Variants in DAB2 observed in about 807,000 individuals in gnomAD.
DAB2 encodes the protein DAB adaptor protein 2, also known as disabled homolog 2.
A neutral mutation model predicts 71.6 loss-of-function variants in DAB2; 28 were observed. The ratio of observed to expected loss-of-function variants is 0.39; its 90% CI spans 0.29 to 0.54. The LOEUF (loss-of-function observed/expected upper bound fraction) is 0.54. DAB2 is among the 20% of genes least tolerant of loss of function. The pLI, the probability that DAB2 is intolerant of heterozygous loss-of-function variation, is 0.68. For missense variants in DAB2, 867 were observed against 928.8 expected, an observed-to-expected ratio of 0.93 and a Z score of 0.86; for synonymous variants, 345 against 339.7, an observed-to-expected ratio of 1.02 and a Z score of -0.17.
At chr5:39,412,145 T>C (rs1479391404) in intron 1 of DAB2, among the ~76,000 whole-genome samples, 1 of 152,140 alleles carries the variant, frequency 6.6e-6, no homozygotes, top group South Asian at 2.1e-4. Context: ...CAAATGTCTT[T>C]GACTCTTAAG....
chr5:39,410,753 T>C (rs951757042), intron 1 of DAB2, among the ~76,000 whole-genome samples: 19 of 152,116 alleles, frequency 1.2e-4, no homozygotes, highest in African/African-American at 4.6e-4. Context: ...CCTTCCATGT[T>C]AAATGAGTTT....
In DAB2 at chr5:39,422,595, A is replaced by G. The variant is rs962699357; in HGVS notation, c.-102+2209T>C. ...GAAGCAGCATAAGAGCCTATGTCAC[A>G]GCAAAGCCTCCTGCTTGGCCAGGAG... On this transcript the variant is annotated intron_variant, in intron 1 of 14. Transcript: ENST00000320816. The surrounding 1 kb of genome is among the most constrained non-coding windows in gnomAD (Gnocchi z 4.1). Among the ~76,000 whole-genome samples the G allele has an allele frequency of 7.9e-5, 12 of 152,208 alleles. No homozygotes were observed. Among genetic ancestry groups the G allele is most frequent in the Non-Finnish European group, 1.8e-4 (12 of 68,032 alleles).
rs557704154 is a variant in DAB2 at position 39,398,226 on chromosome 5, G to A, written c.-101-3805C>T. 3.3e-5 allele frequency among the ~76,000 whole-genome samples: 5 copies of A among 152,158 alleles called. No individual in the cohort carries two copies. The South Asian group carries it at 8.3e-4, about 25-fold the overall frequency. On this transcript the variant is annotated intron_variant, in intron 1 of 14. Transcript: ENST00000320816. ...AGCACTTTGAGGGGTTTTGGGGGAG[G>A]GAACGGTGGCATCTGGGTTTAGTCA...
intron 1 of DAB2, among the ~76,000 whole-genome samples, chr5:39,401,221 T>C (rs1429967691): frequency 1.3e-5 from 2 of 152,220 alleles, no homozygotes; most frequent in African/African-American, 4.8e-5. Context: ...AAAGGAGTCC[T>C]TAGAAGATTT....
chr5:39,392,841 C>T (rs747399787), intron 3 of DAB2, among the ~76,000 whole-genome samples: 18 of 152,186 alleles, frequency 1.2e-4, no homozygotes, highest in South Asian at 2.1e-4. Context: ...GAAAGGCTAG[C>T]GCTAAGGAAC....
At chr5:39,418,808 CT>C (rs1755907810) in intron 1 of DAB2, among the ~76,000 whole-genome samples, 1 of 152,166 alleles carries the variant, frequency 6.6e-6, no homozygotes, top group Non-Finnish European at 1.5e-5. Flanking sequence ...AAAATATCAG[CT>C]TAGTTATTGC....
intron 7 of DAB2, 60 bp downstream of exon 7, chr5:39,389,037 A>T: frequency 6.5e-7 from 1 of 1,550,246 alleles, no homozygotes. Flanking sequence ...GGGCAGGTAG[A>T]AAACAGGGGC....
rs755586963 is a variant in DAB2 at position 39,392,353 on chromosome 5, G to C, written c.330+12C>G. 2 of 1,600,000 alleles carry C rather than the reference G, an allele frequency of 1.3e-6. No individual in the cohort carries two copies. The highest frequency in any genetic ancestry group is 1.7e-6 in the Non-Finnish European group (2 of 1,167,138). On this transcript the variant is annotated intron_variant, in intron 4 of 14. Transcript: ENST00000320816. ...GGTGGTCAGAGAGGTATCAGCAAAT[G>C]TGAATTCTTACCCCAGTTTTCTCAT... is the stretch of plus-strand genomic sequence containing the variant.
intron 1 of DAB2, among the ~76,000 whole-genome samples, chr5:39,405,987 T>C (rs1281867571): frequency 6.6e-6 from 1 of 152,138 alleles, no homozygotes; most frequent in Non-Finnish European, 1.5e-5. Context: ...ATAATATGGC[T>C]TTATTATGGG....
chr5:39,410,923 G>A (rs2112098588), intron 1 of DAB2, among the ~76,000 whole-genome samples: 1 of 152,198 alleles, frequency 6.6e-6, no homozygotes, highest in South Asian at 2.1e-4. Flanking sequence ...CTAGCCCTCA[G>A]TGTCACACAT....
chr5:39,392,353 G>A lies in DAB2; in HGVS notation c.330+12C>T, dbSNP rs755586963. The A allele has an allele frequency of 6.3e-7, 1 of 1,600,000 alleles. No homozygotes were observed. Among genetic ancestry groups the A allele is most frequent in the South Asian group, 1.1e-5 (1 of 90,818 alleles). On this transcript the variant is annotated intron_variant, in intron 4 of 14. Transcript: ENST00000320816. ...GGTGGTCAGAGAGGTATCAGCAAATGTGAATTCTTACCCCAGTTTTCTCAT... is the reference window on the plus strand; with the variant it reads ...GGTGGTCAGAGAGGTATCAGCAAATATGAATTCTTACCCCAGTTTTCTCAT...
rs750647823 is a variant in DAB2, at chr5:39,389,921, T to G, written c.474A>C (p.Leu158Phe). The change falls in exon 6 of 15, where the codon TTA becomes TTC. Residue 158 changes from leucine (L) to phenylalanine (F), a missense_variant. By Grantham distance (22) the Leu-to-Phe change is conservative (BLOSUM62 0). This residue lies in a region of DAB2 where 740 missense variants were observed against 734.3 expected (regional missense o/e 1.01). Coordinates refer to ENST00000320816, the MANE Select transcript of DAB2 (RefSeq NM_001343.4). Reference sequence around the variant, plus strand: ...GAAAAAGGTCTTTAAGATCAACAACTAATGGTTCAGCCTGCAGTAAGGGAA... The same window carrying G: ...GAAAAAGGTCTTTAAGATCAACAACGAATGGTTCAGCCTGCAGTAAGGGAA... ...AIKTGQQAEP[L>F]VVDLKDLFQV... The G allele has an allele frequency of 6.3e-7, 1 of 1,593,368 alleles. No individual in the cohort carries two copies. Among genetic ancestry groups the G allele is most frequent in the South Asian group, 1.1e-5 (1 of 88,772 alleles).
intron 1 of DAB2, among the ~76,000 whole-genome samples, chr5:39,416,614 T>C (rs1755851833): frequency 6.6e-6 from 1 of 152,128 alleles, no homozygotes; most frequent in African/African-American, 2.4e-5. Flanking sequence ...GCCTGTAATA[T>C]GTACTGCCTT....
chr5:39,375,388 G>T (rs1450063954), intron 13 of DAB2, among the ~76,000 whole-genome samples: 1 of 152,178 alleles, frequency 6.6e-6, no homozygotes, highest in East Asian at 1.9e-4. Flanking sequence ...AGGTTTTCAA[G>T]ACAGTATTTT....
intron 1 of DAB2, among the ~76,000 whole-genome samples, chr5:39,397,087 G>T (rs1252256536): frequency 6.6e-6 from 1 of 152,172 alleles, no homozygotes; most frequent in Non-Finnish European, 1.5e-5. Context: ...GCTCCACATG[G>T]ACTTCCTTAT....
At chr5:39,411,743 G>A (rs1755735906) in intron 1 of DAB2, among the ~76,000 whole-genome samples, 1 of 152,152 alleles carries the variant, frequency 6.6e-6, no homozygotes. Context: ...TGCAGACAAG[G>A]AAGTTAAGAC....
chr5:39,393,137 A>G (rs62358409), intron 3 of DAB2, 117 bp downstream of exon 3: 34,557 of 1,029,156 alleles, frequency 0.034, 757 homozygotes, highest in South Asian at 0.076. Flanking sequence ...CTGATGGATA[A>G]TGTGATTAAA....
intron 1 of DAB2, chr5:39,408,547 T>C (rs2112094303): frequency 6.6e-6 from 1 of 152,344 alleles, no homozygotes; most frequent in African/African-American, 2.4e-5. Flanking sequence ...TATGAATAGC[T>C]ATGTTTGTTT....
At chr5:39,405,007 T>C (rs1255514516) in intron 1 of DAB2, among the ~76,000 whole-genome samples, 3 of 150,158 alleles carry the variant, frequency 2.0e-5, no homozygotes, top group Non-Finnish European at 4.4e-5. Context: ...ACAAGGGCTA[T>C]TAGTTTGAAC....
Sources: allele counts gnomAD v4.1 joint callset (sites outside exome capture counted in the v4.1 genomes callset), GRCh38; gene constraint gnomAD v4.1.1; regional missense constraint gnomAD v4.1.1; non-coding constraint Gnocchi (gnomAD v3.1); transcripts MANE v1.5; gene names NCBI Gene and HGNC (gene_info 2026-07-23, HGNC 2026-07-21).